Variants in SGMS1 observed in about 807,000 individuals in gnomAD.
SGMS1 encodes phosphatidylcholine:ceramide cholinephosphotransferase 1.
A neutral mutation model predicts 46.2 loss-of-function variants in SGMS1; 13 were observed. That is an observed-to-expected ratio of 0.28 (90% CI 0.18 to 0.45). The LOEUF (loss-of-function observed/expected upper bound fraction) is 0.45. Ranked by LOEUF, SGMS1 falls within the 20% of genes least tolerant of loss-of-function variation. The pLI is 1.00. For missense variants in SGMS1, 324 were observed against 519.9 expected, an observed-to-expected ratio of 0.62 and a Z score of 3.66; for synonymous variants, 203 against 187.8, an observed-to-expected ratio of 1.08 and a Z score of -0.66.
chr10:50,502,769 G>A (rs1004583602), intron 3 of SGMS1, among the ~76,000 whole-genome samples: 1 of 152,144 alleles, frequency 6.6e-6, no homozygotes, highest in Non-Finnish European at 1.5e-5. Context: ...TCTAAAGGAA[G>A]TAAAAATTTG....
upstream of SGMS1, chr10:50,624,206 T>A (rs185856641): frequency 3.0e-4 from 240 of 787,668 alleles, no homozygotes; most frequent in African/African-American, 3.7e-3. Context: ...GCCCACTAAG[T>A]AAGGCCTAGC....
At chr10:50,421,476 C>T (rs1043418245) in intron 6 of SGMS1, among the ~76,000 whole-genome samples, 2 of 152,166 alleles carry the variant, frequency 1.3e-5, no homozygotes, top group Admixed American at 1.3e-4. Flanking sequence ...ACTGAAGAGA[C>T]CCAAGTCCTG....
At chr10:50,431,136 A>G (rs1849400179) in intron 6 of SGMS1, among the ~76,000 whole-genome samples, 1 of 152,198 alleles carries the variant, frequency 6.6e-6, no homozygotes, top group African/African-American at 2.4e-5. Context: ...CAAAGTACAA[A>G]GACACACTTA....
intron 6 of SGMS1, among the ~76,000 whole-genome samples, chr10:50,350,712 G>C (rs1310435507): frequency 1.3e-5 from 2 of 152,180 alleles, no homozygotes; most frequent in African/African-American, 4.8e-5. Flanking sequence ...CCATTGTGTT[G>C]AGCCTGCGGG....
chr10:50,353,452 GCTAT>G, intron 6 of SGMS1, among the ~76,000 whole-genome samples: 1 of 152,286 alleles, frequency 6.6e-6, no homozygotes, highest in Non-Finnish European at 1.5e-5. Context: ...AATAATAAGA[GCTAT>G]CTATGACAAA....
In SGMS1 at chr10:50,486,175, T is replaced by C. The variant is rs183965136; in HGVS notation, c.-497-19243A>G. On this transcript the variant is annotated intron_variant, in intron 3 of 10. Coordinates refer to ENST00000361781, the MANE Select transcript of SGMS1 (RefSeq NM_147156.4). ...ACTTAATACAAAAACTAACTCAAGA[T>C]GGATTAAAGACATAAATGTAAAACC... 2.6e-3 allele frequency among the ~76,000 whole-genome samples: 402 copies of C among 152,256 alleles called. 2 individuals are homozygous for C. The highest frequency in any genetic ancestry group is 9.3e-3 in the African/African-American group (388 of 41,548).
intron 9 of SGMS1, 66 bp from the exon 10 acceptor site, chr10:50,308,214 C>A: frequency 7.1e-7 from 1 of 1,415,980 alleles, no homozygotes; most frequent in Non-Finnish European, 9.7e-7. Flanking sequence ...CCAACTATGC[C>A]TCTACTAATG....
chr10:50,623,487 C>T (rs1227672770), intron 1 of SGMS1: 4 of 821,156 alleles, frequency 4.9e-6, no homozygotes, highest in African/African-American at 3.7e-5. Flanking sequence ...GCCCGGATCC[C>T]GGCCGCCGGA....
chr10:50,317,847 C>A (rs2842092), intron 8 of SGMS1, among the ~76,000 whole-genome samples: 10,703 of 149,898 alleles, frequency 0.071, 928 homozygotes, highest in East Asian at 0.33. Flanking sequence ...TTGAGAGCCC[C>A]GGCTGGAGTG....
chr10:50,623,524 G>C, intron 1 of SGMS1, 183 bp downstream of exon 1: 12 of 954,238 alleles, frequency 1.3e-5, no homozygotes, highest in Middle Eastern at 5.4e-4. Flanking sequence ...ACCCACGGGA[G>C]CAGCAGCTCT....
At chr10:50,494,723 C>T (rs1837595838) in intron 3 of SGMS1, among the ~76,000 whole-genome samples, 1 of 152,084 alleles carries the variant, frequency 6.6e-6, no homozygotes, top group Non-Finnish European at 1.5e-5. Flanking sequence ...CAACAAACTC[C>T]CATGACACCA....
chr10:50,382,221 AAAG>A (rs1290829275), intron 6 of SGMS1, among the ~76,000 whole-genome samples: 2 of 152,172 alleles, frequency 1.3e-5, no homozygotes, highest in African/African-American at 4.8e-5. Flanking sequence ...CTAAGGGGGA[AAAG>A]AAGAACTCCC....
chr10:50,353,466 A>C (rs999857132), intron 6 of SGMS1, among the ~76,000 whole-genome samples: 1 of 152,292 alleles, frequency 6.6e-6, no homozygotes, highest in East Asian at 1.9e-4. Flanking sequence ...TCTATGACAA[A>C]CCCACAGCTA....
chr10:50,452,271 A>G (rs1837119718), intron 5 of SGMS1, among the ~76,000 whole-genome samples: 1 of 152,174 alleles, frequency 6.6e-6, no homozygotes, highest in Admixed American at 6.6e-5. Context: ...GCACATTACA[A>G]GGGGTTATTC....
chr10:50,559,904 C>A (rs1212527719), intron 2 of SGMS1, among the ~76,000 whole-genome samples: 1 of 151,964 alleles, frequency 6.6e-6, no homozygotes, highest in Admixed American at 6.6e-5. Context: ...CTTCTTTATA[C>A]ACAGGAAAAG....
intron 2 of SGMS1, among the ~76,000 whole-genome samples, chr10:50,527,738 G>T (rs1013257180): frequency 4.6e-5 from 7 of 152,200 alleles, no homozygotes; most frequent in Non-Finnish European, 7.3e-5. Flanking sequence ...GCACTCCGTA[G>T]CAACCCAGAC....
Position 50,577,422 on chromosome 10 carries a change from G to A in SGMS1, c.-589+12731C>T, listed in dbSNP as rs561395896. ...AGACATAAAAAAAGTATAGAGAAAG[G>A]CAGGAGTAGCTAATTAAACAACAAC... On this transcript the variant is annotated intron_variant, in intron 2 of 10. Coordinates refer to ENST00000361781, the MANE Select transcript of SGMS1 (RefSeq NM_147156.4). Among the ~76,000 whole-genome samples the A allele has an allele frequency of 3.3e-5, 5 of 152,206 alleles. No individual in the cohort carries two copies. The South Asian group carries it at 1.0e-3, about 32-fold the overall frequency.
At chr10:50,487,110 G>C (rs1448935244) in intron 3 of SGMS1, among the ~76,000 whole-genome samples, 3 of 152,184 alleles carry the variant, frequency 2.0e-5, no homozygotes, top group African/African-American at 7.2e-5. Context: ...TAAATGATGA[G>C]AACATGTGGA....
At chr10:50,344,910 C>T (rs1271692775) in intron 6 of SGMS1, among the ~76,000 whole-genome samples, 4 of 151,898 alleles carry the variant, frequency 2.6e-5, no homozygotes, top group Non-Finnish European at 5.9e-5. Flanking sequence ...GGTCTATTTT[C>T]TAAGAAGCAA....
Sources: allele counts gnomAD v4.1 joint callset (sites outside exome capture counted in the v4.1 genomes callset), GRCh38; gene constraint gnomAD v4.1.1; transcripts MANE v1.5; gene names NCBI Gene and HGNC (gene_info 2026-07-23, HGNC 2026-07-21).